Variants in TBL1XR1 observed in about 807,000 individuals in gnomAD.
TBL1XR1 encodes the protein F-box-like/WD repeat-containing protein TBL1XR1.
In TBL1XR1, 5 loss-of-function variants were observed where a neutral mutation model predicts 66.9. The observed-to-expected ratio is 0.07, with a 90% CI of 0.04 to 0.16. The LOEUF is 0.16. Among genes scored for constraint, TBL1XR1 ranks in the 10% least tolerant of loss-of-function variants. The pLI, the probability that TBL1XR1 is intolerant of heterozygous loss-of-function variation, is 1.00. For missense variants in TBL1XR1, 238 were observed against 623.2 expected, an observed-to-expected ratio of 0.38 and a Z score of 6.58; for synonymous variants, 210 against 206.0, an observed-to-expected ratio of 1.02 and a Z score of -0.17.
intron 1 of TBL1XR1, among the ~76,000 whole-genome samples, chr3:177,135,305 C>CTG (rs1553852659): frequency 5.7e-5 from 1 of 17,642 alleles, no homozygotes; most frequent in African/African-American, 2.3e-4. Flanking sequence ...CAAGGCCGCA[C>CTG]TCTGTGTGTG....
intron 2 of TBL1XR1, among the ~76,000 whole-genome samples, chr3:177,082,868 G>A (rs1206152158): frequency 6.7e-6 from 1 of 149,278 alleles, no homozygotes; most frequent in Non-Finnish European, 1.5e-5. Flanking sequence ...CCATTCTCCT[G>A]CCTCAGCCTC....
chr3:177,079,517 C>A (rs1411263463), intron 2 of TBL1XR1: 1 of 150,824 alleles, frequency 6.6e-6, no homozygotes. Flanking sequence ...TTTTTTTAAT[C>A]TAAATGTAAC....
intron 2 of TBL1XR1, among the ~76,000 whole-genome samples, chr3:177,090,767 C>T (rs187615511): frequency 3.8e-4 from 58 of 152,098 alleles, no homozygotes; most frequent in African/African-American, 1.1e-3. Flanking sequence ...GCCAAGATCA[C>T]GCCACTGCAC....
intron 1 of TBL1XR1, among the ~76,000 whole-genome samples, chr3:177,122,227 T>C (rs1186033205): frequency 1.3e-5 from 2 of 151,368 alleles, no homozygotes. Context: ...TTAGGTACTA[T>C]AGAGTACCTA....
chr3:177,186,815 G>A (rs1298903269), intron 1 of TBL1XR1, among the ~76,000 whole-genome samples: 1 of 152,152 alleles, frequency 6.6e-6, no homozygotes, highest in South Asian at 2.1e-4. Context: ...GCCAGTCGTG[G>A]TGTCTCACAC....
intron 1 of TBL1XR1, among the ~76,000 whole-genome samples, chr3:177,175,023 CA>C (rs1733996788): frequency 6.6e-6 from 1 of 152,158 alleles, no homozygotes; most frequent in African/African-American, 2.4e-5. Context: ...CAGAAAAGAC[CA>C]AACTGTTTGG....
At chr3:177,031,403 T>G (rs536136307) in intron 14 of TBL1XR1, among the ~76,000 whole-genome samples, 2 of 151,364 alleles carry the variant, frequency 1.3e-5, no homozygotes, top group African/African-American at 4.8e-5. Context: ...GGTGTGATCT[T>G]GGCTCACTAC....
At position 177,049,495 on chromosome 3, in the gene TBL1XR1, T is replaced by C. The variant is rs143594654; in HGVS notation, c.702+502A>G. On this transcript the variant is annotated intron_variant, in intron 7 of 15. Transcript: ENST00000457928. Reference sequence around the variant, plus strand: ...CAAGATTCCTACAGTGGGAATAAAATTCAGACGTTGTCTAGACTAATGATC... The same window carrying C: ...CAAGATTCCTACAGTGGGAATAAAACTCAGACGTTGTCTAGACTAATGATC... Among the ~76,000 whole-genome samples, 177 of 152,300 alleles carry C rather than the reference T, an allele frequency of 1.2e-3. 1 individual carries two copies. Among genetic ancestry groups the C allele is most frequent in the African/African-American group, 4.0e-3 (168 of 41,570 alleles).
At position 177,197,272 on chromosome 3, in the gene TBL1XR1, G is replaced by C; in HGVS notation, c.-273C>G. On this transcript the variant is annotated 5_prime_UTR_variant, in exon 1 of 16. Coordinates refer to ENST00000457928, the MANE Select transcript of TBL1XR1 (RefSeq NM_024665.7). ...GCAATTATAACCCCAGCGAGCGGAG[G>C]GCGCGGGGGATGGGCGCCGGGCGGG... The C allele has an allele frequency of 6.6e-6, 1 of 151,070 alleles. No homozygotes were observed. The highest frequency in any genetic ancestry group is 1.8e-4 in the South Asian group (1 of 5,528). The allele number at this position is 151,070 out of a possible 1,614,324, so 9.4% of individuals were successfully genotyped here.
upstream of TBL1XR1, among the ~76,000 whole-genome samples, chr3:177,198,951 G>A (rs1297309351): frequency 6.6e-6 from 1 of 151,660 alleles, no homozygotes; most frequent in Admixed American, 6.6e-5. Flanking sequence ...GGCCTAATAA[G>A]TTCAGTAATT....
At chr3:177,052,188 GA>G (rs1355502201) in intron 4 of TBL1XR1, among the ~76,000 whole-genome samples, 1 of 152,190 alleles carries the variant, frequency 6.6e-6, no homozygotes, top group Admixed American at 6.5e-5. Flanking sequence ...TATTAAAGCA[GA>G]AACAGACTTC....
At chr3:177,155,746 T>C (rs1460173112) in intron 1 of TBL1XR1, among the ~76,000 whole-genome samples, 1 of 152,228 alleles carries the variant, frequency 6.6e-6, no homozygotes, top group East Asian at 1.9e-4. Context: ...TCGGCTGCAG[T>C]GGCTCATGCC....
intron 2 of TBL1XR1, chr3:177,091,091 G>A (rs1047131960): frequency 6.6e-6 from 1 of 151,860 alleles, no homozygotes; most frequent in African/African-American, 2.4e-5. Flanking sequence ...GGGACAAGCT[G>A]ACCCAACTAT....
chr3:177,074,210 C>G (rs1045972167), intron 2 of TBL1XR1, among the ~76,000 whole-genome samples: 1 of 152,140 alleles, frequency 6.6e-6, no homozygotes, highest in Non-Finnish European at 1.5e-5. Context: ...TAAGAAAGAA[C>G]AGAGGAGATG....
At chr3:177,073,426 C>G (rs1019828668) in intron 2 of TBL1XR1, among the ~76,000 whole-genome samples, 3 of 152,068 alleles carry the variant, frequency 2.0e-5, no homozygotes, top group Non-Finnish European at 4.4e-5. Flanking sequence ...TACTTAAAAG[C>G]CATAAATATC....
intron 10 of TBL1XR1, among the ~76,000 whole-genome samples, chr3:177,043,243 T>C (rs780778716): frequency 2.0e-5 from 3 of 152,200 alleles, no homozygotes; most frequent in Admixed American, 6.5e-5. Context: ...CCATCAATTA[T>C]TGAGAGAAGA....
intron 1 of TBL1XR1, among the ~76,000 whole-genome samples, chr3:177,190,007 C>T (rs1735937470): frequency 6.6e-6 from 1 of 151,798 alleles, no homozygotes; most frequent in Admixed American, 6.6e-5. Flanking sequence ...TAAGCGGACA[C>T]CTGTAATCCC....
chr3:177,141,978 C>CT (rs2108821659), intron 1 of TBL1XR1, among the ~76,000 whole-genome samples: 1 of 152,304 alleles, frequency 6.6e-6, no homozygotes, highest in South Asian at 2.1e-4. Flanking sequence ...ATTCCACTTA[C>CT]ATAAGGTACC....
chr3:177,106,849 T>A (rs1724952387), intron 1 of TBL1XR1, among the ~76,000 whole-genome samples: 1 of 152,140 alleles, frequency 6.6e-6, no homozygotes, highest in South Asian at 2.1e-4. Context: ...CCGTCCTGTG[T>A]GCTACTAAGG....
Sources: gnomAD v4.1 joint callset for allele counts (sites outside exome capture counted in the v4.1 genomes callset) on GRCh38, gnomAD v4.1.1 for gene constraint, MANE v1.5 for transcripts, NCBI Gene and HGNC (gene_info 2026-07-23, HGNC 2026-07-21) for gene names.